Variants in NCOR2 observed in about 807,000 individuals in gnomAD.
The protein encoded by NCOR2 is CTG repeat protein 26.
A neutral mutation model predicts 262.9 loss-of-function variants in NCOR2; 81 were observed. The observed-to-expected ratio is 0.31, with a 90% CI of 0.26 to 0.37. NCOR2 has a LOEUF of 0.37. Ranked by LOEUF, NCOR2 falls within the 10% of genes least tolerant of loss-of-function variation. The pLI, the probability that NCOR2 is intolerant of heterozygous loss-of-function variation, is 1.00. For synonymous variants in NCOR2, 1,659 were observed against 1,559.3 expected (o/e 1.06, Z -1.51); for missense variants, 3,385 against 3,621.4 (o/e 0.93, Z 1.68).
intron 13 of NCOR2, among the ~76,000 whole-genome samples, chr12:124,418,158 C>G (rs2043010765): frequency 6.6e-6 from 1 of 152,020 alleles, no homozygotes; most frequent in African/African-American, 2.4e-5. Flanking sequence ...TTTTACACAT[C>G]TGTTAGAAGG....
At chr12:124,464,616 G>A (rs568682811) in intron 5 of NCOR2, among the ~76,000 whole-genome samples, 67 of 152,334 alleles carry the variant, frequency 4.4e-4, no homozygotes, top group Admixed American at 9.8e-4. Context: ...GAAGAAATGA[G>A]AGCTATGATA....
chr12:124,460,205 T>C (rs1188790804), intron 5 of NCOR2, among the ~76,000 whole-genome samples: 1 of 152,222 alleles, frequency 6.6e-6, no homozygotes, highest in East Asian at 1.9e-4. Flanking sequence ...TGCTCTGTTC[T>C]CTGCTGCACC....
At chr12:124,495,418 C>G, upstream of NCOR2, 1 of 1,356,230 alleles carries the variant, frequency 7.4e-7, no homozygotes, top group Non-Finnish European at 9.7e-7. The surrounding 1 kb of genome is among the most constrained non-coding windows in gnomAD (Gnocchi z 4.4). Flanking sequence ...GGGCAGCTGG[C>G]TCCTCCGTGC....
At chr12:124,385,950 C>A in intron 16 of NCOR2, 63 bp from the exon 19 acceptor site, 1 of 1,564,548 alleles carries the variant, frequency 6.4e-7, no homozygotes, top group Non-Finnish European at 8.7e-7. Context: ...GGGCCTGCAT[C>A]CATGGCCTGG....
chr12:124,517,582 C>T lies in NCOR2; in HGVS notation c.-118+17983G>A, dbSNP rs952777699. ...CTGGCTCTCCCCTGCCTGAGCCCAC[C>T]GCGGAGCCCCAGGGCAGAGCCTCGG... On this transcript the variant is annotated intron_variant, in intron 1 of 46. Transcript: ENST00000404621. This position sits in a 1 kb window ranked among gnomAD's most constrained non-coding sequence, Gnocchi z 7.6. Among the ~76,000 whole-genome samples, 1 of 152,186 alleles carries T rather than the reference C, an allele frequency of 6.6e-6. No individual in the cohort carries two copies. Among genetic ancestry groups the T allele is most frequent in the African/African-American group, 2.4e-5 (1 of 41,454 alleles).
At chr12:124,470,972 G>A (rs2046802391) in intron 4 of NCOR2, among the ~76,000 whole-genome samples, 1 of 152,240 alleles carries the variant, frequency 6.6e-6, no homozygotes, top group Non-Finnish European at 1.5e-5. Flanking sequence ...AGGCCTGGAA[G>A]CCTAACGGTG....
rs2044913799 is a variant in NCOR2, at chr12:124,443,008, G to A, written c.816-5012C>T. On this transcript the variant is annotated intron_variant, in intron 7 of 46. Transcript: ENST00000405201. The surrounding 1 kb of genome is among the most constrained non-coding windows in gnomAD (Gnocchi z 4.4). ...CGGCAGCCGCCAGGAGCTGGAACCG[G>A]CAAGGAAGCAGCCTCCCCCAGAGCC... Among the ~76,000 whole-genome samples the A allele has an allele frequency of 6.6e-6, 1 of 152,254 alleles. No individual in the cohort carries two copies. Among genetic ancestry groups the A allele is most frequent in the Admixed American group, 6.5e-5 (1 of 15,292 alleles).
intron 3 of NCOR2, among the ~76,000 whole-genome samples, chr12:124,474,157 C>T (rs1454616859): frequency 6.6e-6 from 1 of 152,226 alleles, no homozygotes; most frequent in Non-Finnish European, 1.5e-5. Flanking sequence ...CTGGCCTCTG[C>T]ATACCCTCTG....
chr12:124,563,434 G>C (rs930062988), intron 1 of NCOR2, among the ~76,000 whole-genome samples: 2 of 152,238 alleles, frequency 1.3e-5, no homozygotes, highest in Admixed American at 1.3e-4. Flanking sequence ...CATAAGCACA[G>C]GTCCCTCCGC....
chr12:124,547,068 C>A (rs180927464), intron 1 of NCOR2, among the ~76,000 whole-genome samples: 14 of 152,274 alleles, frequency 9.2e-5, no homozygotes, highest in Admixed American at 7.2e-4. Flanking sequence ...CGGCTCACTG[C>A]AACCTCGACC....
intron 8 of NCOR2, among the ~76,000 whole-genome samples, chr12:124,431,469 CAGAG>C (rs2043925939): frequency 6.7e-6 from 1 of 148,552 alleles, no homozygotes; most frequent in South Asian, 2.2e-4. Flanking sequence ...GGCAGATACA[CAGAG>C]AGACACACAC....
chr12:124,357,148 T>C (rs2038018237), intron 22 of NCOR2, among the ~76,000 whole-genome samples: 2 of 152,212 alleles, frequency 1.3e-5, no homozygotes, highest in Non-Finnish European at 2.9e-5. Context: ...AGAGGGTCTG[T>C]CTGCCCCCTA....
At chr12:124,486,093 G>A (rs1207491988) in intron 2 of NCOR2, among the ~76,000 whole-genome samples, 1 of 152,206 alleles carries the variant, frequency 6.6e-6, no homozygotes, top group Admixed American at 6.5e-5. Flanking sequence ...GGAGAAGAAG[G>A]AAGAATGGGA....
chr12:124,329,135 A>C (rs1486232907), intron 44 of NCOR2: 1 of 470,246 alleles, frequency 2.1e-6, no homozygotes, highest in Non-Finnish European at 4.4e-6. Flanking sequence ...GGAGCCTGGA[A>C]AATTTCTTCT....
intron 20 of NCOR2, among the ~76,000 whole-genome samples, chr12:124,370,453 G>T (rs989100785): frequency 1.3e-5 from 2 of 152,166 alleles, no homozygotes; most frequent in Admixed American, 1.3e-4. Flanking sequence ...GGCCCCGCAT[G>T]ACCCTGCGGG....
chr12:124,426,180 C>T (rs2043534586), intron 11 of NCOR2, among the ~76,000 whole-genome samples: 1 of 152,180 alleles, frequency 6.6e-6, no homozygotes, highest in Non-Finnish European at 1.5e-5. Flanking sequence ...CACCCAGAAC[C>T]TCAGAATGCG....
intron 5 of NCOR2, among the ~76,000 whole-genome samples, chr12:124,462,855 C>T (rs761731732): frequency 1.3e-5 from 2 of 152,222 alleles, no homozygotes; most frequent in Admixed American, 6.5e-5. Context: ...GTCCTAATCA[C>T]ATCATATAAA....
chr12:124,485,322 AAC>A (rs2047716630), intron 2 of NCOR2, among the ~76,000 whole-genome samples: 1 of 152,214 alleles, frequency 6.6e-6, no homozygotes, highest in African/African-American at 2.4e-5. Flanking sequence ...GGATCCTTGT[AAC>A]ACAACAAGAG....
Position 124,420,065 on chromosome 12 carries a change from A to G in NCOR2, c.1384-10T>C, listed in dbSNP as rs1251705149. On this transcript the variant is annotated splice_polypyrimidine_tract_variant and intron_variant, in intron 12 of 46. Transcript: ENST00000405201. Reference sequence around the variant, plus strand: ...CGCACTCAGCCACTGTCTGTGGGACAGAGAAAGAGGACGCTGAGCAGGGTA... The same window carrying G: ...CGCACTCAGCCACTGTCTGTGGGACGGAGAAAGAGGACGCTGAGCAGGGTA... The G allele has an allele frequency of 2.5e-6, 4 of 1,608,200 alleles. No individual in the cohort carries two copies. Among genetic ancestry groups the G allele is most frequent in the East Asian group, 2.2e-5 (1 of 44,820 alleles).
Sources: allele counts gnomAD v4.1 joint callset (sites outside exome capture counted in the v4.1 genomes callset), GRCh38; gene constraint gnomAD v4.1.1; non-coding constraint Gnocchi (gnomAD v3.1); transcripts MANE v1.5; gene names NCBI Gene and HGNC (gene_info 2026-07-23, HGNC 2026-07-21).